Variants in RB1CC1 observed in about 807,000 individuals in gnomAD.
RB1CC1 encodes the protein RB1 inducible coiled-coil 1, also known as RB1-inducible coiled-coil protein 1.
In RB1CC1, 46 loss-of-function variants were observed where a neutral mutation model predicts 177.5. The ratio of observed to expected loss-of-function variants is 0.26; its 90% CI spans 0.20 to 0.33. RB1CC1 has a LOEUF of 0.33. RB1CC1 is among the 10% of genes least tolerant of loss of function. The pLI, the probability that RB1CC1 is intolerant of heterozygous loss-of-function variation, is 1.00. For missense variants in RB1CC1, 1,703 were observed against 1,816.3 expected, an observed-to-expected ratio of 0.94 and a Z score of 1.13; for synonymous variants, 666 against 613.6, an observed-to-expected ratio of 1.09 and a Z score of -1.26.
At chr8:52,661,450 G>C in intron 9 of RB1CC1, 85 bp downstream of exon 9, 1 of 1,464,032 alleles carries the variant, frequency 6.8e-7, no homozygotes. Context: ...TAAAATGGTA[G>C]GGAAAAATCA....
intron 20 of RB1CC1, among the ~76,000 whole-genome samples, chr8:52,631,350 T>C (rs563344587): frequency 1.8e-4 from 28 of 152,172 alleles, no homozygotes; most frequent in African/African-American, 5.3e-4. Flanking sequence ...GCGCCTATGG[T>C]CCCAGCTACT....
rs1447110465 is a variant in RB1CC1 at position 52,628,141 on chromosome 8, G to A, written c.4527C>T (p.Ile1509=). The change falls in exon 22 of 24, where the codon ATC becomes ATT. Residue 1509 remains isoleucine, a synonymous_variant. Coordinates refer to ENST00000025008, the MANE Select transcript of RB1CC1 (RefSeq NM_014781.5). The part of the protein sequence containing the change: ...RDFQVGDLVL[I]ILDERHDNYV... Reference sequence around the variant, plus strand: ...AATTGTCATGGCGTTCGTCTAGGATGATGAGTACCAAATCTCCCACCTGAA... The same window carrying A: ...AATTGTCATGGCGTTCGTCTAGGATAATGAGTACCAAATCTCCCACCTGAA... The A allele has an allele frequency of 6.8e-6, 11 of 1,608,686 alleles. No homozygotes were observed. Among genetic ancestry groups the A allele is most frequent in the Non-Finnish European group, 9.3e-6 (11 of 1,176,656 alleles).
chr8:52,646,156 T>C (rs979546701), intron 15 of RB1CC1, among the ~76,000 whole-genome samples: 1 of 152,200 alleles, frequency 6.6e-6, no homozygotes, highest in Admixed American at 6.5e-5. Context: ...GCTCTGCCCA[T>C]GGAGTAGCCA....
At chr8:52,630,335 A>T in intron 21 of RB1CC1, 135 bp downstream of exon 21, 1 of 1,048,204 alleles carries the variant, frequency 9.5e-7, no homozygotes, top group Non-Finnish European at 1.3e-6. Context: ...CCAGTAAAAA[A>T]CTTTTACTAC....
intron 23 of RB1CC1, 73 bp from the exon 24 acceptor site, chr8:52,623,932 A>C (rs1848209696): frequency 3.0e-6 from 3 of 989,984 alleles, no homozygotes; most frequent in South Asian, 1.4e-5. Flanking sequence ...ACACACACAC[A>C]CACCCAAAAA....
At chr8:52,673,571 AACCACTCAAGACCTGTG>A (rs1307284416) in intron 7 of RB1CC1, among the ~76,000 whole-genome samples, 1 of 152,190 alleles carries the variant, frequency 6.6e-6, no homozygotes, top group Non-Finnish European at 1.5e-5. Flanking sequence ...TTCTTGCATG[AACCACTCAAGACCTGTG>A]TAGTTTACTG....
At chr8:52,642,849 T>C (rs777143687) in intron 16 of RB1CC1, 37 bp from the exon 17 acceptor site, 1 of 1,472,164 alleles carries the variant, frequency 6.8e-7, no homozygotes. Context: ...TTTATCTACA[T>C]GTACTTAGCA....
chr8:52,640,924 A>G (rs1849517205), intron 18 of RB1CC1, among the ~76,000 whole-genome samples: 1 of 152,186 alleles, frequency 6.6e-6, no homozygotes, highest in African/African-American at 2.4e-5. Flanking sequence ...AAAAACAAAC[A>G]AACAAAAAAC....
chr8:52,706,225 G>A (rs1395757641), intron 1 of RB1CC1, among the ~76,000 whole-genome samples: 1 of 151,636 alleles, frequency 6.6e-6, no homozygotes, highest in African/African-American at 2.4e-5. Flanking sequence ...GTCCCACCAA[G>A]AGAGCAAGAC....
In RB1CC1 at chr8:52,636,021, T is replaced by C. The variant is rs1217877414; in HGVS notation, c.4386A>G (p.Leu1462=). 2 of 1,607,982 alleles carry C rather than the reference T, an allele frequency of 1.2e-6. No homozygotes were observed. The highest frequency in any genetic ancestry group is 2.2e-5 in the South Asian group (2 of 90,446). The change falls in exon 19 of 24, where the codon TTA becomes TTG. Residue 1462 remains leucine, a synonymous_variant. Coordinates refer to ENST00000025008, the MANE Select transcript of RB1CC1 (RefSeq NM_014781.5). ...LSEEKQRIML[L]ERTLQLKEEE... is the part of the protein sequence containing the mutation. The stretch of plus-strand genomic sequence containing the variant: ...AAGAAGATAATTTACTTACTCGTTC[T>C]AACAGCATTATCCGCTGTTTTTCTT...
At chr8:52,710,889 T>C (rs1223680377) in intron 1 of RB1CC1, among the ~76,000 whole-genome samples, 3 of 152,180 alleles carry the variant, frequency 2.0e-5, no homozygotes, top group East Asian at 1.9e-4. Flanking sequence ...GTTATATTAC[T>C]GTAATATAAT....
At chr8:52,707,869 C>A (rs1161783316) in intron 1 of RB1CC1, among the ~76,000 whole-genome samples, 10 of 152,106 alleles carry the variant, frequency 6.6e-5, no homozygotes, top group African/African-American at 2.4e-5. Context: ...GACTTAGGAA[C>A]AAAATTTACT....
rs1849109101 is a variant in RB1CC1, at chr8:52,635,949, T to A, written c.4392+66A>T. ...AATAGTCTATTGTATGTTTCCAGAA[T>A]GAAGTTTAACTGTATCCAAAAGTGA... is the stretch of plus-strand genomic sequence containing the variant. On this transcript the variant is annotated intron_variant, in intron 19 of 23. Coordinates refer to ENST00000025008, the MANE Select transcript of RB1CC1 (RefSeq NM_014781.5). The A allele has an allele frequency of 5.8e-6, 9 of 1,551,248 alleles. No individual in the cohort carries two copies. The South Asian group carries it at 1.1e-4, about 18-fold the overall frequency.
At chr8:52,627,390 CTT>C (rs140200979) in intron 22 of RB1CC1, among the ~76,000 whole-genome samples, 192 of 152,242 alleles carry the variant, frequency 1.3e-3, no homozygotes, top group African/African-American at 4.6e-3. Flanking sequence ...AGATACTTGA[CTT>C]TGTTGCGAGT....
rs1853154692 is a variant in RB1CC1 at position 52,676,648 on chromosome 8, CAT to C, written c.370-79_370-78del. 4 of 1,316,228 alleles carry C rather than the reference CAT, an allele frequency of 3.0e-6. No homozygotes were observed. In the East Asian group the frequency reaches 9.5e-5, roughly 31 times the overall value. The allele number at this position is 1,316,228 out of a possible 1,614,324, so 81.5% of individuals were successfully genotyped here. The stretch of plus-strand genomic sequence containing the variant: ...GCAGAAGTTTGCATATGTTTACAAA[CAT>C]GTACGTGTGGATGCGTTGTAGAGCA... On this transcript the variant is annotated intron_variant, in intron 5 of 23. Coordinates refer to ENST00000025008, the MANE Select transcript of RB1CC1 (RefSeq NM_014781.5).
At position 52,670,886 on chromosome 8, in the gene RB1CC1, G is replaced by A. The variant is rs1382545394; in HGVS notation, c.1003-2695C>T. Among the ~76,000 whole-genome samples the A allele has an allele frequency of 2.6e-5, 4 of 151,974 alleles. No homozygotes were observed. In the East Asian group the frequency reaches 7.8e-4, roughly 29 times the overall value. The stretch of plus-strand genomic sequence containing the variant: ...GCCTGTAGTCCCAGCTACCCAGGAG[G>A]TGAAGGCTGCAGTGAGCCGAGATCG... On this transcript the variant is annotated intron_variant, in intron 7 of 23. Transcript: ENST00000025008.
chr8:52,641,078 G>C (rs540263636), intron 18 of RB1CC1, among the ~76,000 whole-genome samples: 1 of 151,916 alleles, frequency 6.6e-6, no homozygotes, highest in South Asian at 2.1e-4. Flanking sequence ...ACCTTCTCAC[G>C]GGTGCTCATT....
chr8:52,676,810 AC>A (rs1853173240), intron 5 of RB1CC1, among the ~76,000 whole-genome samples: 1 of 152,178 alleles, frequency 6.6e-6, no homozygotes, highest in African/African-American at 2.4e-5. Context: ...ATAAGACGCT[AC>A]CTCTGAAAAA....
chr8:52,658,008 C>G lies in RB1CC1; in HGVS notation c.1910G>C (p.Ser637Thr), dbSNP rs1445979568. The G allele has an allele frequency of 6.2e-7, 1 of 1,613,732 alleles. No homozygotes were observed. Among genetic ancestry groups the G allele is most frequent in the Non-Finnish European group, 8.5e-7 (1 of 1,179,926 alleles). ...EMSQTITDLL[S>T]EQKASVSQTS... ...AAGAATTGAATTTGCCTTTTGTTCA[C>G]TCAGTAGATCTGTAATGGTCTGTGA... Residue 637 changes from serine to threonine, a missense_variant, in exon 14 of 24, where the codon AGT becomes ACT. Coordinates refer to ENST00000025008, the MANE Select transcript of RB1CC1 (RefSeq NM_014781.5).
Sources: allele counts gnomAD v4.1 joint callset (sites outside exome capture counted in the v4.1 genomes callset), GRCh38; gene constraint gnomAD v4.1.1; transcripts MANE v1.5; gene names NCBI Gene and HGNC (gene_info 2026-07-23, HGNC 2026-07-21).